MMP16: variants seen among roughly 807,000 people sequenced by gnomAD.
The protein encoded by MMP16 is matrix metallopeptidase 16, also known as matrix metalloproteinase-16.
In MMP16, 12 loss-of-function variants were observed where a neutral mutation model predicts 67.8. The observed-to-expected ratio is 0.18, with a 90% CI of 0.11 to 0.29. The LOEUF is 0.29. Ranked by LOEUF, MMP16 falls within the 10% of genes least tolerant of loss-of-function variation. The pLI, the probability that MMP16 is intolerant of heterozygous loss-of-function variation, is 1.00. For synonymous variants in MMP16, 249 were observed against 255.9 expected (o/e 0.97, Z 0.26); for missense variants, 475 against 765.7 (o/e 0.62, Z 4.48).
chr8:88,272,534 G>T (rs753676629), intron 1 of MMP16, among the ~76,000 whole-genome samples: 4 of 152,058 alleles, frequency 2.6e-5, no homozygotes, highest in Non-Finnish European at 5.9e-5. Flanking sequence ...AAACAAAAAA[G>T]TGAAACTAAG....
At chr8:88,148,730 T>G (rs941836370) in intron 4 of MMP16, among the ~76,000 whole-genome samples, 2 of 130,652 alleles carry the variant, frequency 1.5e-5, no homozygotes, top group Admixed American at 1.5e-4. Flanking sequence ...ATCTATTTCT[T>G]TAGTAGTAAG....
At chr8:88,301,705 T>C (rs1258904563) in intron 1 of MMP16, among the ~76,000 whole-genome samples, 2 of 152,220 alleles carry the variant, frequency 1.3e-5, no homozygotes, top group African/African-American at 4.8e-5. Context: ...TCATAGCTAC[T>C]ACATAAACAC....
At chr8:88,080,257 T>G (rs1808723329) in intron 6 of MMP16, among the ~76,000 whole-genome samples, 1 of 152,180 alleles carries the variant, frequency 6.6e-6, no homozygotes, top group South Asian at 2.1e-4. Flanking sequence ...GATGAGTATA[T>G]ATATCTGAGA....
rs529727176 is a variant in MMP16 at position 88,218,341 on chromosome 8, G to A, written c.133-21035C>T. On this transcript the variant is annotated intron_variant, in intron 1 of 9. Coordinates refer to ENST00000286614, the MANE Select transcript of MMP16 (RefSeq NM_005941.5). The stretch of plus-strand genomic sequence containing the variant: ...TTAAATCTATAGTCAGAATGTAGGG[G>A]AAATTGAAGGATTTCAATTAAAGGG... Among the ~76,000 whole-genome samples, 43 of 152,082 alleles carry A rather than the reference G, an allele frequency of 2.8e-4. 1 individual carries two copies. The highest frequency in any genetic ancestry group is 2.7e-3 in the Admixed American group (41 of 15,276).
At position 88,197,263 on chromosome 8, in the gene MMP16, C is replaced by G. The variant is rs1809271237; in HGVS notation, c.176G>C (p.Arg59Thr). ...CTCTGCAGAGCGCAGCACTGACATT[C>G]TGGGGTCAGTCGGTGGAAGGTAGCC... ...KYGYLPPTDP[R>T]MSVLRSAETM... is the part of the protein sequence containing the mutation. Residue 59 changes from arginine to threonine, a missense_variant, in exon 2 of 10, where the codon AGA (arginine) becomes ACA (threonine). Coordinates refer to ENST00000286614, the MANE Select transcript of MMP16 (RefSeq NM_005941.5). The G allele has an allele frequency of 6.3e-7, 1 of 1,594,716 alleles. No individual in the cohort carries two copies. The highest frequency in any genetic ancestry group is 8.5e-7 in the Non-Finnish European group (1 of 1,171,174).
intron 6 of MMP16, among the ~76,000 whole-genome samples, chr8:88,099,921 C>T (rs1287335094): frequency 6.6e-6 from 1 of 151,874 alleles, no homozygotes; most frequent in African/African-American, 2.4e-5. Context: ...GGACTGTAAG[C>T]TCTTTAGGGC....
Position 88,299,381 on chromosome 8 carries a change from A to G in MMP16, c.132+27694T>C, listed in dbSNP as rs182716144. 2.4e-3 allele frequency among the ~76,000 whole-genome samples: 361 copies of G among 152,272 alleles called. 2 individuals are homozygous for G. The Middle Eastern group carries it at 0.027, about 11-fold the overall frequency. Reference sequence around the variant, plus strand: ...ATTAATGCTAGCATCGTATCTCTTTATCCTCAATCTGGATCCCATCTGGAA... The same window carrying G: ...ATTAATGCTAGCATCGTATCTCTTTGTCCTCAATCTGGATCCCATCTGGAA... On this transcript the variant is annotated intron_variant, in intron 1 of 9. Transcript: ENST00000286614.
chr8:88,327,058 A>C lies in MMP16; in HGVS notation c.132+17T>G. The C allele has an allele frequency of 6.2e-7, 1 of 1,613,486 alleles. No homozygotes were observed. The highest frequency in any genetic ancestry group is 8.5e-7 in the Non-Finnish European group (1 of 1,179,612). ...GCCCAGGCAGCGGGGGGAGGAAGAAAGCCCTCGCACTCTTACCTCCACATT... is the reference window on the plus strand; with the variant it reads ...GCCCAGGCAGCGGGGGGAGGAAGAACGCCCTCGCACTCTTACCTCCACATT... On this transcript the variant is annotated intron_variant, in intron 1 of 9. Coordinates refer to ENST00000286614, the MANE Select transcript of MMP16 (RefSeq NM_005941.5).
chr8:88,217,407 A>G (rs923535927), intron 1 of MMP16, among the ~76,000 whole-genome samples: 1 of 152,100 alleles, frequency 6.6e-6, no homozygotes, highest in Non-Finnish European at 1.5e-5. Context: ...ACAAATACAT[A>G]TATTTAAATC....
At chr8:88,204,271 T>A (rs1175100198) in intron 1 of MMP16, among the ~76,000 whole-genome samples, 1 of 152,208 alleles carries the variant, frequency 6.6e-6, no homozygotes, top group Non-Finnish European at 1.5e-5. Flanking sequence ...CTGCTGAATT[T>A]TACCAAAAGC....
intron 1 of MMP16, among the ~76,000 whole-genome samples, chr8:88,289,937 GC>G (rs1223738622): frequency 2.0e-5 from 3 of 151,982 alleles, no homozygotes; most frequent in Admixed American, 1.3e-4. Flanking sequence ...ACCCTGCACT[GC>G]CCCCTACTGC....
intron 4 of MMP16, among the ~76,000 whole-genome samples, chr8:88,143,257 A>G (rs572097436): frequency 5.9e-5 from 9 of 152,286 alleles, no homozygotes; most frequent in Non-Finnish European, 1.0e-4. Flanking sequence ...ACATTTTGGT[A>G]TGCTATAAAT....
intron 1 of MMP16, among the ~76,000 whole-genome samples, chr8:88,326,304 GT>G (rs943925509): frequency 2.0e-5 from 3 of 152,156 alleles, no homozygotes; most frequent in Non-Finnish European, 4.4e-5. Context: ...CTATCCTTAA[GT>G]TCCCTTTTGC....
chr8:88,052,400 A>G (rs890966121), intron 8 of MMP16, among the ~76,000 whole-genome samples: 1 of 152,124 alleles, frequency 6.6e-6, no homozygotes, highest in Non-Finnish European at 1.5e-5. Context: ...CTCAAAATGT[A>G]TCCTGCACCC....
intron 6 of MMP16, among the ~76,000 whole-genome samples, chr8:88,103,922 C>T (rs1295777328): frequency 6.6e-6 from 1 of 151,730 alleles, no homozygotes; most frequent in African/African-American, 2.4e-5. Context: ...CAGATTCTTA[C>T]CTAATTGGAC....
At chr8:88,295,173 T>C (rs28587629) in intron 1 of MMP16, among the ~76,000 whole-genome samples, 15,516 of 152,226 alleles carry the variant, frequency 0.1, 820 homozygotes, top group Non-Finnish European at 0.11. Flanking sequence ...CTTGTCTTAA[T>C]GCACAAATAT....
chr8:88,271,249 T>C (rs895699794), intron 1 of MMP16, among the ~76,000 whole-genome samples: 1 of 152,224 alleles, frequency 6.6e-6, no homozygotes, highest in Non-Finnish European at 1.5e-5. Flanking sequence ...ACTTATGACC[T>C]GGTAGAATTC....
intron 1 of MMP16, among the ~76,000 whole-genome samples, chr8:88,212,876 T>A (rs1809533348): frequency 6.6e-6 from 1 of 152,192 alleles, no homozygotes; most frequent in African/African-American, 2.4e-5. Flanking sequence ...GTATAGATAT[T>A]TTCTGTATGT....
At chr8:88,048,748 T>C (rs1177585202) in intron 8 of MMP16, among the ~76,000 whole-genome samples, 1 of 152,222 alleles carries the variant, frequency 6.6e-6, no homozygotes, top group African/African-American at 2.4e-5. Context: ...TAAACATCTA[T>C]GGTGATCTAC....
Sources: gnomAD v4.1 joint callset for allele counts (sites outside exome capture counted in the v4.1 genomes callset) on GRCh38, gnomAD v4.1.1 for gene constraint, MANE v1.5 for transcripts, NCBI Gene and HGNC (gene_info 2026-07-23, HGNC 2026-07-21) for gene names.